The following KLHDC10 variants were observed in gnomAD, a reference collection of about 807,000 sequenced individuals.
KLHDC10 encodes kelch domain containing 10, also known as kelch domain-containing protein 10.
A neutral mutation model predicts 56.1 loss-of-function variants in KLHDC10; 24 were observed. The ratio of observed to expected loss-of-function variants is 0.43; its 90% CI spans 0.31 to 0.60. The LOEUF (loss-of-function observed/expected upper bound fraction) is 0.60. KLHDC10 is among the 20% of genes least tolerant of loss of function. The pLI, the probability that KLHDC10 is intolerant of heterozygous loss-of-function variation, is 0.11. For missense variants in KLHDC10, 349 were observed against 567.0 expected (o/e 0.62, Z 3.91); for synonymous variants, 188 against 207.1 (o/e 0.91, Z 0.79).
intron 1 of KLHDC10, among the ~76,000 whole-genome samples, chr7:130,083,068 C>T (rs1482269025): frequency 6.6e-6 from 1 of 152,220 alleles, no homozygotes; most frequent in Non-Finnish European, 1.5e-5. Context: ...ACATCTCTCT[C>T]TCTGGCCTGT....
In KLHDC10 at chr7:130,111,588, A is replaced by G. The variant is rs189853710; in HGVS notation, c.254-4857A>G. Among the ~76,000 whole-genome samples the G allele has an allele frequency of 6.6e-5, 10 of 152,212 alleles. No individual in the cohort carries two copies. The East Asian group carries it at 1.7e-3, about 26-fold the overall frequency. On this transcript the variant is annotated intron_variant, in intron 2 of 9. Coordinates refer to ENST00000335420, the MANE Select transcript of KLHDC10 (RefSeq NM_014997.4). ...TAGCTAGGTGTGGTGGCTCATGCCT[A>G]TAGTCCCAACTACTTTAGATGCTGA...
intron 8 of KLHDC10, 134 bp from the exon 9 acceptor site, chr7:130,129,303 G>A: frequency 1.1e-6 from 1 of 897,110 alleles, no homozygotes; most frequent in Non-Finnish European, 1.7e-6. Flanking sequence ...AGGCTGCACA[G>A]CAGAAGTCGT....
chr7:130,086,425 C>A (rs1312597775), intron 1 of KLHDC10, among the ~76,000 whole-genome samples: 2 of 152,170 alleles, frequency 1.3e-5, no homozygotes, highest in African/African-American at 4.8e-5. Flanking sequence ...AAAATCAAAT[C>A]GTATGCAAGA....
chr7:130,100,039 G>A (rs1192419043), intron 2 of KLHDC10, among the ~76,000 whole-genome samples: 5 of 151,568 alleles, frequency 3.3e-5, no homozygotes, highest in East Asian at 1.9e-4. Flanking sequence ...CTAAGAGTTC[G>A]AGGCTACAGT....
At chr7:130,080,630 C>G (rs1181889555) in intron 1 of KLHDC10, among the ~76,000 whole-genome samples, 9 of 152,096 alleles carry the variant, frequency 5.9e-5, no homozygotes, top group Admixed American at 3.3e-4. Flanking sequence ...TTCCCAAGCT[C>G]AAGCAATCCT....
rs1795982957 is a variant in KLHDC10, at chr7:130,104,548, C to G, written c.253+7541C>G. ...TATGTAAGAGGCTTAAGCAGGTGTT[C>G]TTAATCTGTTCTTGCACTGGTATAA... On this transcript the variant is annotated intron_variant, in intron 2 of 9. Transcript: ENST00000335420. Among the ~76,000 whole-genome samples the G allele has an allele frequency of 2.0e-5, 3 of 152,282 alleles. No individual in the cohort carries two copies. In the South Asian group the frequency reaches 6.2e-4, roughly 32 times the overall value.
In KLHDC10 at chr7:130,120,746, C is replaced by T. The variant is rs781596980; in HGVS notation, c.476-3C>T. 4 of 1,613,672 alleles carry T rather than the reference C, an allele frequency of 2.5e-6. 1 individual carries two copies. In the South Asian group the frequency reaches 3.3e-5, roughly 13 times the overall value. ...AACAGAACTTGTGCTTCTCCTTCCT[C>T]AGTTGTGCTGCATGGAAACAACCTG... On this transcript the variant is annotated splice_region_variant and splice_polypyrimidine_tract_variant and intron_variant, in intron 3 of 9. Transcript: ENST00000335420. This position sits in a 1 kb window ranked among gnomAD's most constrained non-coding sequence, Gnocchi z 5.1.
At chr7:130,079,214 C>T (rs1415785393) in intron 1 of KLHDC10, among the ~76,000 whole-genome samples, 2 of 152,024 alleles carry the variant, frequency 1.3e-5, no homozygotes, top group Admixed American at 6.6e-5. Context: ...CCCGCCACAA[C>T]GTCTGGCTAA....
chr7:130,109,761 C>G (rs1316937757), intron 2 of KLHDC10, among the ~76,000 whole-genome samples: 2 of 152,178 alleles, frequency 1.3e-5, no homozygotes, highest in Non-Finnish European at 1.5e-5. Flanking sequence ...GCCTCAGCCT[C>G]CCGAGTAGCT....
intron 2 of KLHDC10, among the ~76,000 whole-genome samples, chr7:130,110,952 TTA>T (rs1796092511): frequency 6.6e-6 from 1 of 152,168 alleles, no homozygotes; most frequent in Non-Finnish European, 1.5e-5. Flanking sequence ...TACATATTGT[TTA>T]TATATATTTA....
At chr7:130,078,506 C>T (rs1215379027) in intron 1 of KLHDC10, among the ~76,000 whole-genome samples, 4 of 152,032 alleles carry the variant, frequency 2.6e-5, no homozygotes, top group Admixed American at 2.0e-4. Context: ...TATAAGCCTC[C>T]GCGCCCTGCC....
rs577555069 is a variant in KLHDC10, at chr7:130,070,827, G to A, written c.166+18G>A. 2 of 1,297,818 alleles carry A rather than the reference G, an allele frequency of 1.5e-6. No homozygotes were observed. The highest frequency in any genetic ancestry group is 1.5e-5 in the African/African-American group (1 of 66,468). The allele number at this position is 1,297,818 out of a possible 1,614,324, so 80.4% of individuals were successfully genotyped here. A position where few individuals can be genotyped will look rare whatever the true frequency, so the allele number is the denominator to read the frequency against. On this transcript the variant is annotated intron_variant, in intron 1 of 9. Transcript: ENST00000335420. ...CCTGCCAGGTGAGTCGTGGGACAGG[G>A]TCCTGACCGCTTGCGGGCGGGAAGG...
chr7:130,135,388 C>T lies in KLHDC10; in HGVS notation c.*4642C>T, dbSNP rs966366287. 16 of 154,368 alleles carry T rather than the reference C, an allele frequency of 1.0e-4. No individual in the cohort carries two copies. The highest frequency in any genetic ancestry group is 2.9e-4 in the African/African-American group (12 of 41,520). 9.6% of individuals were successfully genotyped at this position (154,368 alleles called of 1,614,324 possible). On this transcript the variant is annotated 3_prime_UTR_variant, in exon 10 of 10. Transcript: ENST00000335420. Reference sequence around the variant, plus strand: ...GGAAGAACCTAGGCAAGAAAGGAAGCCTCTTTCTGAGACACAGTCTCTGAG... The same window carrying T: ...GGAAGAACCTAGGCAAGAAAGGAAGTCTCTTTCTGAGACACAGTCTCTGAG...
At chr7:130,128,554 G>A (rs1212270176) in intron 8 of KLHDC10, among the ~76,000 whole-genome samples, 2 of 152,096 alleles carry the variant, frequency 1.3e-5, no homozygotes, top group Admixed American at 6.6e-5. Context: ...AGAAAGCTTG[G>A]AAGAGCCTCT....
chr7:130,100,388 CATTA>C (rs1396304243), intron 2 of KLHDC10, among the ~76,000 whole-genome samples: 1 of 152,196 alleles, frequency 6.6e-6, no homozygotes, highest in Non-Finnish European at 1.5e-5. Context: ...CTGTGCCTCC[CATTA>C]GACTGTAAGC....
chr7:130,096,609 G>A (rs1176830049), intron 1 of KLHDC10, among the ~76,000 whole-genome samples: 1 of 152,084 alleles, frequency 6.6e-6, no homozygotes, highest in Non-Finnish European at 1.5e-5. Context: ...TGTTCATAAA[G>A]CTCCTGGTGA....
chr7:130,081,241 C>T lies in KLHDC10; in HGVS notation c.166+10432C>T, dbSNP rs1218628924. On this transcript the variant is annotated intron_variant, in intron 1 of 9. Transcript: ENST00000335420. ...GTCTCGATCTCCTGACCTGGTGATC[C>T]ACCCGCCTCGGCCTCCCAAAGTGCT... is the stretch of plus-strand genomic sequence containing the variant. Among the ~76,000 whole-genome samples the T allele has an allele frequency of 5.3e-5, 8 of 152,156 alleles. No individual in the cohort carries two copies. In the East Asian group the frequency reaches 9.7e-4, roughly 18 times the overall value.
chr7:130,113,626 C>G (rs540657177), intron 2 of KLHDC10, among the ~76,000 whole-genome samples: 3 of 151,824 alleles, frequency 2.0e-5, no homozygotes, highest in Non-Finnish European at 4.4e-5. Context: ...AGCCACCATG[C>G]CTGGCCCAAT....
chr7:130,086,663 G>A (rs1299770748), intron 1 of KLHDC10, among the ~76,000 whole-genome samples: 1 of 152,188 alleles, frequency 6.6e-6, no homozygotes, highest in East Asian at 1.9e-4. Flanking sequence ...TTCTGTGTTA[G>A]CACATTTAGA....
Sources: allele counts gnomAD v4.1 joint callset (sites outside exome capture counted in the v4.1 genomes callset), GRCh38; gene constraint gnomAD v4.1.1; non-coding constraint Gnocchi (gnomAD v3.1); transcripts MANE v1.5; gene names NCBI Gene and HGNC (gene_info 2026-07-23, HGNC 2026-07-21).